Variants in UTRN observed in about 807,000 individuals in gnomAD.
UTRN encodes the protein utrophin.
Under a neutral mutation model 463.9 loss-of-function variants are expected in UTRN, and 283 were observed. The ratio of observed to expected loss-of-function variants is 0.61; its 90% CI spans 0.55 to 0.67. UTRN has a LOEUF of 0.67. Ranked by LOEUF, UTRN falls within the 30% of genes least tolerant of loss-of-function variation. The pLI, the probability that UTRN is intolerant of heterozygous loss-of-function variation, is 0.00. For synonymous variants in UTRN, 1,442 were observed against 1,431.5 expected (o/e 1.01, Z -0.17); for missense variants, 3,922 against 4,084.3 (o/e 0.96, Z 1.08).
At chr6:144,772,669 C>T (rs910645847) in intron 59 of UTRN, among the ~76,000 whole-genome samples, 1 of 152,122 alleles carries the variant, frequency 6.6e-6, no homozygotes, top group Non-Finnish European at 1.5e-5. Flanking sequence ...TTATTTAGTA[C>T]GTGCCATCAA....
intron 23 of UTRN, among the ~76,000 whole-genome samples, chr6:144,468,719 G>A (rs1790198561): frequency 6.6e-6 from 1 of 152,172 alleles, no homozygotes; most frequent in African/African-American, 2.4e-5. Flanking sequence ...TAAATGGACA[G>A]AGAAACACTA....
chr6:144,608,009 C>T (rs1282765169), intron 51 of UTRN, among the ~76,000 whole-genome samples: 1 of 152,164 alleles, frequency 6.6e-6, no homozygotes, highest in Admixed American at 6.5e-5. Flanking sequence ...TCATTTTCAT[C>T]TCTCCACACT....
intron 63 of UTRN, among the ~76,000 whole-genome samples, chr6:144,795,656 G>A (rs1190962348): frequency 6.6e-6 from 1 of 152,170 alleles, no homozygotes; most frequent in Non-Finnish European, 1.5e-5. Context: ...TTTGTTGGCT[G>A]CATAAATGTC....
chr6:144,463,662 A>T (rs1486933496), intron 23 of UTRN, among the ~76,000 whole-genome samples: 1 of 147,206 alleles, frequency 6.8e-6, no homozygotes, highest in East Asian at 2.0e-4. Flanking sequence ...TGTCTTTTTT[A>T]AATTTCTTAT....
intron 51 of UTRN, among the ~76,000 whole-genome samples, chr6:144,677,185 G>T (rs1459383130): frequency 6.6e-6 from 1 of 152,134 alleles, no homozygotes; most frequent in Non-Finnish European, 1.5e-5. Context: ...TGACATGGTG[G>T]TTTGCTGCAC....
chr6:144,472,491 T>C (rs1167381818), intron 23 of UTRN, among the ~76,000 whole-genome samples: 1 of 152,198 alleles, frequency 6.6e-6, no homozygotes, highest in Admixed American at 6.5e-5. Context: ...ATAAACTAGT[T>C]AGATCTTTGT....
At chr6:144,358,750 T>C (rs1778790937) in intron 2 of UTRN, among the ~76,000 whole-genome samples, 1 of 152,114 alleles carries the variant, frequency 6.6e-6, no homozygotes, top group Non-Finnish European at 1.5e-5. Context: ...ATTCCAGTAT[T>C]CTTATCTTCA....
At chr6:144,290,878 C>CATT (rs1804175716) in intron 1 of UTRN, among the ~76,000 whole-genome samples, 1 of 149,974 alleles carries the variant, frequency 6.7e-6, no homozygotes, top group African/African-American at 2.5e-5. Context: ...AATTCTCCTG[C>CATT]ATTAGCCTCC....
intron 2 of UTRN, among the ~76,000 whole-genome samples, chr6:144,339,333 G>A (rs1340693124): frequency 1.3e-5 from 2 of 152,190 alleles, no homozygotes; most frequent in Non-Finnish European, 1.5e-5. Flanking sequence ...CATTGAAAAG[G>A]ATGCATCTTG....
At chr6:144,548,540 C>A (rs983437817) in intron 46 of UTRN, 100 bp from the exon 47 acceptor site, 27 of 1,177,166 alleles carry the variant, frequency 2.3e-5, no homozygotes, top group Non-Finnish European at 3.0e-5. Flanking sequence ...TTTACTTAAA[C>A]TAAATTTTAT....
chr6:144,465,339 A>G (rs996926700), intron 23 of UTRN, among the ~76,000 whole-genome samples: 24 of 152,366 alleles, frequency 1.6e-4, no homozygotes, highest in Admixed American at 4.6e-4. Context: ...TCCTGTGGTT[A>G]TAGTAATCCA....
At chr6:144,408,045 T>C (rs998724370) in intron 3 of UTRN, among the ~76,000 whole-genome samples, 4 of 152,236 alleles carry the variant, frequency 2.6e-5, no homozygotes, top group Admixed American at 2.6e-4. Context: ...TAAGACGCAA[T>C]CGATCATTAT....
intron 51 of UTRN, among the ~76,000 whole-genome samples, chr6:144,643,802 A>G (rs890241023): frequency 6.6e-6 from 1 of 152,158 alleles, no homozygotes; most frequent in Non-Finnish European, 1.5e-5. Context: ...CTCAAAAAAA[A>G]AAAAAAATTT....
In UTRN at chr6:144,821,140, C is replaced by T. The variant is rs1489779689; in HGVS notation, c.9494+122C>T. The stretch of plus-strand genomic sequence containing the variant: ...TGCATTTTAGAGGAGGTAAATTAAA[C>T]TTGGAATCAGTCTTCACAACATGAA... On this transcript the variant is annotated intron_variant, in intron 66 of 74. Coordinates refer to ENST00000367545, the MANE Select transcript of UTRN (RefSeq NM_007124.3). 43 of 1,232,404 alleles carry T rather than the reference C, an allele frequency of 3.5e-5. No individual in the cohort carries two copies. In the East Asian group the frequency reaches 1.1e-3, roughly 32 times the overall value. The allele number at this position is 1,232,404 out of a possible 1,614,324, so 76.3% of individuals were successfully genotyped here.
chr6:144,680,518 T>A (rs549926925), intron 52 of UTRN, among the ~76,000 whole-genome samples: 1 of 152,318 alleles, frequency 6.6e-6, no homozygotes, highest in South Asian at 2.1e-4. Context: ...TTAAAATAAC[T>A]TTTACTTTGA....
At chr6:144,789,498 C>T (rs554859889) in intron 62 of UTRN, among the ~76,000 whole-genome samples, 1 of 152,144 alleles carries the variant, frequency 6.6e-6, no homozygotes, top group East Asian at 1.9e-4. Context: ...GGTGAGGTGC[C>T]AGGATGGAGT....
chr6:144,301,817 A>G (rs370955787), intron 2 of UTRN, among the ~76,000 whole-genome samples: 8 of 152,046 alleles, frequency 5.3e-5, no homozygotes, highest in Non-Finnish European at 1.0e-4. Context: ...TACAGGCGTG[A>G]GACACTGCTC....
intron 51 of UTRN, among the ~76,000 whole-genome samples, chr6:144,670,561 T>C (rs1220865536): frequency 6.6e-6 from 1 of 152,096 alleles, no homozygotes; most frequent in Non-Finnish European, 1.5e-5. Context: ...GTGAATATTT[T>C]TCCCACTCTG....
chr6:144,829,414 C>T (rs1780468511), intron 69 of UTRN, among the ~76,000 whole-genome samples: 1 of 152,106 alleles, frequency 6.6e-6, no homozygotes, highest in African/African-American at 2.4e-5. Context: ...AAAAAGCTTT[C>T]TAGCCAATTA....
Sources: allele counts gnomAD v4.1 joint callset (sites outside exome capture counted in the v4.1 genomes callset), GRCh38; gene constraint gnomAD v4.1.1; transcripts MANE v1.5; gene names NCBI Gene and HGNC (gene_info 2026-07-23, HGNC 2026-07-21).